The following PRRT4 variants were observed in gnomAD, a reference collection of about 807,000 sequenced individuals.
PRRT4 encodes proline rich transmembrane protein 4.
A neutral mutation model predicts 55.6 loss-of-function variants in PRRT4; 59 were observed. That is an observed-to-expected ratio of 1.06 (90% CI 0.86 to 1.32). PRRT4 has a LOEUF of 1.32. PRRT4 is among the 40% of genes most tolerant of loss of function. The pLI is 0.00. For synonymous variants in PRRT4, 606 were observed against 601.8 expected (o/e 1.01, Z -0.10); for missense variants, 1,217 against 1,222.0 (o/e 1.00, Z 0.06).
intron 4 of PRRT4, among the ~76,000 whole-genome samples, chr7:128,356,917 T>C (rs1182754677): frequency 1.3e-5 from 2 of 152,114 alleles, no homozygotes; most frequent in Non-Finnish European, 2.9e-5. Context: ...AGCAACTGAG[T>C]TGGCACAGGT....
exon 5 of PRRT4, chr7:128,351,046 G>A (rs1796947392): frequency 3.9e-6 from 6 of 1,548,958 alleles, no homozygotes; most frequent in Middle Eastern, 1.7e-4. Context: ...TGAGGGCCGC[G>A]GGGGACTGAG....
At chr7:128,351,743 G>A in exon 5 of PRRT4, 1 of 1,462,228 alleles carries the variant, frequency 6.8e-7, no homozygotes, top group Non-Finnish European at 8.9e-7. Flanking sequence ...TCGCCCAGGC[G>A]CAGGCCTAGC....
At position 128,359,514 on chromosome 7, in the gene PRRT4, TCAGAG is replaced by T. The variant is rs750930048; in HGVS notation, c.473_477del (p.Ala158AspfsTer22). On this transcript the variant is annotated frameshift_variant, in exon 2 of 5. Coordinates refer to ENST00000535159, the Ensembl canonical transcript of PRRT4. LOFTEE classifies it high-confidence loss of function. The stretch of plus-strand genomic sequence containing the variant: ...GCACTGGATGGAAGTGCTGTCACCA[TCAGAG>T]CAGTGTCCCAGGTCACAGTGCTCCT... 2 of 1,473,288 alleles carry T rather than the reference TCAGAG, an allele frequency of 1.4e-6. No homozygotes were observed. Among genetic ancestry groups the T allele is most frequent in the African/African-American group, 2.8e-5 (2 of 70,362 alleles). 91.3% of individuals were successfully genotyped at this position (1,473,288 alleles called of 1,614,324 possible).
At chr7:128,352,932 C>G (rs1797032702) in intron 4 of PRRT4, among the ~76,000 whole-genome samples, 1 of 152,030 alleles carries the variant, frequency 6.6e-6, no homozygotes, top group Non-Finnish European at 1.5e-5. Flanking sequence ...CCTCGGCCCC[C>G]CAGCTCCCTG....
At chr7:128,360,023 G>A in exon 2 of PRRT4, 1 of 1,301,824 alleles carries the variant, frequency 7.7e-7, no homozygotes, top group Non-Finnish European at 9.8e-7. Flanking sequence ...GCCTTGGTGG[G>A]CAGGGACTCA....
chr7:128,358,941 A>T lies in PRRT4; in HGVS notation c.758-141T>A. ...GGAATTGTAGCCACATGCTAAGCTCATGTACACCATGAGCTAAGCTACAAA... is the reference window on the plus strand; with the variant it reads ...GGAATTGTAGCCACATGCTAAGCTCTTGTACACCATGAGCTAAGCTACAAA... On this transcript the variant is annotated intron_variant, in intron 3 of 4. Transcript: ENST00000535159. This position sits in a 1 kb window ranked among gnomAD's most constrained non-coding sequence, Gnocchi z 4.4. The T allele has an allele frequency of 1.5e-6, 2 of 1,347,418 alleles. No individual in the cohort carries two copies. The highest frequency in any genetic ancestry group is 1.0e-6 in the Non-Finnish European group (1 of 1,004,182). The allele number at this position is 1,347,418 out of a possible 1,614,324, so 83.5% of individuals were successfully genotyped here. A position where few individuals can be genotyped will look rare whatever the true frequency, so the allele number is the denominator to read the frequency against.
exon 2 of PRRT4, chr7:128,359,909 G>C (rs1265851382): frequency 6.9e-7 from 1 of 1,459,750 alleles, no homozygotes; most frequent in African/African-American, 1.4e-5. Flanking sequence ...ACCTGGGATG[G>C]AGGGGGTGGG....
At chr7:128,350,695 G>A (rs982044410), downstream of PRRT4, 1 of 1,128,974 alleles carries the variant, frequency 8.9e-7, no homozygotes, top group African/African-American at 1.6e-5. Flanking sequence ...AATCGATAGA[G>A]CCTGGCTGCT....
At chr7:128,356,026 C>T (rs359640) in intron 4 of PRRT4, among the ~76,000 whole-genome samples, 93,191 of 151,932 alleles carry the variant, frequency 0.61, 29,985 homozygotes, top group Middle Eastern at 0.72. Context: ...TTTGGGAGGC[C>T]GAGGTGGGCA....
In PRRT4 at chr7:128,358,547, G is replaced by A. The variant is rs557466573; in HGVS notation, c.877+134C>T. 2.7e-5 allele frequency: 22 copies of A among 813,416 alleles called. No individual in the cohort carries two copies. The highest frequency in any genetic ancestry group is 9.9e-5 in the South Asian group (6 of 60,474). 50.4% of individuals were successfully genotyped at this position (813,416 alleles called of 1,614,324 possible). A position where few individuals can be genotyped will look rare whatever the true frequency, so the allele number is the denominator to read the frequency against. ...TCAGACCATTCATATATATCTCCACGGTGATGATGAAGAGAATGATGATTA... is the reference window on the plus strand; with the variant it reads ...TCAGACCATTCATATATATCTCCACAGTGATGATGAAGAGAATGATGATTA... On this transcript the variant is annotated intron_variant, in intron 4 of 4. Transcript: ENST00000535159. This position sits in a 1 kb window ranked among gnomAD's most constrained non-coding sequence, Gnocchi z 4.4.
exon 5 of PRRT4, chr7:128,351,821 C>T (rs1300893722): frequency 2.1e-6 from 3 of 1,404,322 alleles, no homozygotes; most frequent in South Asian, 3.1e-5. Flanking sequence ...GCGTGCAGCA[C>T]CTCATAGCCC....
intron 1 of PRRT4, among the ~76,000 whole-genome samples, chr7:128,361,047 C>A (rs1797238657): frequency 6.9e-6 from 1 of 144,478 alleles, no homozygotes; most frequent in Admixed American, 6.9e-5. Flanking sequence ...GGGTTCAAAC[C>A]CAAGCTCTGT....
At chr7:128,361,076 G>GTCTCTCTCTCTC (rs71160633) in intron 1 of PRRT4, among the ~76,000 whole-genome samples, 3 of 100,442 alleles carry the variant, frequency 3.0e-5, no homozygotes, top group Non-Finnish European at 2.0e-5. Context: ...GGCCTCCCCT[G>GTCTCTCTCTCTC]TCTCTCTCTC....
Position 128,357,949 on chromosome 7 carries a change from T to C in PRRT4, c.877+732A>G, listed in dbSNP as rs998677565. Among the ~76,000 whole-genome samples, 3 of 152,306 alleles carry C rather than the reference T, an allele frequency of 2.0e-5. No homozygotes were observed. The East Asian group carries it at 5.8e-4, about 29-fold the overall frequency. The stretch of plus-strand genomic sequence containing the variant: ...ATGCAGTGGGGGACAGAAGCAAGGT[T>C]AATAGCTACTATTTAATGAGCCTCT... On this transcript the variant is annotated intron_variant, in intron 4 of 4. Transcript: ENST00000535159.
intron 4 of PRRT4, among the ~76,000 whole-genome samples, chr7:128,357,755 C>G (rs776223296): frequency 2.6e-5 from 4 of 152,184 alleles, no homozygotes; most frequent in Non-Finnish European, 5.9e-5. Flanking sequence ...TTTTGCAGAG[C>G]AAAGCTGGGC....
chr7:128,360,933 G>A (rs1332713305), intron 1 of PRRT4, among the ~76,000 whole-genome samples: 1 of 151,674 alleles, frequency 6.6e-6, no homozygotes, highest in Non-Finnish European at 1.5e-5. Context: ...GCCACATCTA[G>A]CGCCCGTGAC....
chr7:128,360,138 G>A, intron 1 of PRRT4, 75 bp from the exon 3 acceptor site: 1 of 578,686 alleles, frequency 1.7e-6, no homozygotes, highest in Non-Finnish European at 2.6e-6. Flanking sequence ...ATGTCCCAGA[G>A]AGAGGCTTCT....
At chr7:128,355,319 T>C (rs549604810) in intron 4 of PRRT4, among the ~76,000 whole-genome samples, 1 of 152,270 alleles carries the variant, frequency 6.6e-6, no homozygotes, top group African/African-American at 2.4e-5. Flanking sequence ...TGCCTCAGCC[T>C]CCCAAGTAGC....
At chr7:128,354,809 G>C (rs1797079735) in intron 4 of PRRT4, among the ~76,000 whole-genome samples, 1 of 152,140 alleles carries the variant, frequency 6.6e-6, no homozygotes, top group African/African-American at 2.4e-5. Flanking sequence ...GTGGCAGCAT[G>C]CGCCCTGGTT....
Sources: allele counts gnomAD v4.1 joint callset (sites outside exome capture counted in the v4.1 genomes callset), GRCh38; gene constraint gnomAD v4.1.1; non-coding constraint Gnocchi (gnomAD v3.1); transcripts MANE v1.5; gene names NCBI Gene and HGNC (gene_info 2026-07-23, HGNC 2026-07-21).